Variants in FARS2 observed in about 807,000 individuals in gnomAD.
The protein encoded by FARS2 is phenylalanine--tRNA ligase, mitochondrial.
Under a neutral mutation model 46.4 loss-of-function variants are expected in FARS2, and 40 were observed. That is an observed-to-expected ratio of 0.86 (90% CI 0.67 to 1.12). FARS2 has a LOEUF of 1.12. FARS2 is among the 50% of genes most tolerant of loss of function. The probability of loss-of-function intolerance (pLI) is 0.00; values close to 1 mark genes in which losing one functional copy is unlikely to be tolerated. For missense variants in FARS2, 513 were observed against 567.9 expected (o/e 0.90, Z 0.98); for synonymous variants, 234 against 214.9 (o/e 1.09, Z -0.78).
intron 1 of FARS2, among the ~76,000 whole-genome samples, chr6:5,354,006 A>G (rs1317093870): frequency 4.3e-5 from 2 of 46,794 alleles, no homozygotes; most frequent in African/African-American, 1.0e-4. Flanking sequence ...GGTCTAAGTG[A>G]TAAAATCTTT....
chr6:5,460,795 A>C (rs1714583483), intron 4 of FARS2, among the ~76,000 whole-genome samples: 1 of 152,190 alleles, frequency 6.6e-6, no homozygotes, highest in African/African-American at 2.4e-5. Flanking sequence ...TTCACTTCTC[A>C]AGTCTTACTT....
intron 1 of FARS2, among the ~76,000 whole-genome samples, chr6:5,364,286 G>A (rs923978389): frequency 6.6e-6 from 1 of 152,100 alleles, no homozygotes; most frequent in Non-Finnish European, 1.5e-5. Flanking sequence ...GAACCTTGAG[G>A]CCAGAAGGGT....
chr6:5,448,954 T>C (rs1764327563), intron 4 of FARS2, among the ~76,000 whole-genome samples: 1 of 152,214 alleles, frequency 6.6e-6, no homozygotes, highest in African/African-American at 2.4e-5. Flanking sequence ...GTCTGAAGTG[T>C]CTATAAGACA....
intron 4 of FARS2, among the ~76,000 whole-genome samples, chr6:5,533,856 C>T (rs1325072031): frequency 6.6e-6 from 1 of 152,176 alleles, no homozygotes; most frequent in Non-Finnish European, 1.5e-5. Context: ...TGTCTCAAGG[C>T]TTTAAGGGGA....
Position 5,717,385 on chromosome 6 carries a change from G to GTGTGTGTCTA in FARS2, c.1218-53901_1218-53900insGTCTATGTGT, listed in dbSNP as rs776468933. On this transcript the variant is annotated intron_variant, in intron 6 of 6. Coordinates refer to ENST00000274680, the MANE Select transcript of FARS2 (RefSeq NM_006567.5). Reference sequence around the variant, plus strand: ...TGTGTGTGTGTGTGTGTGTGTGTGTGTGTGTCTATGTATATCTCTCTCACA... The same window carrying GTGTGTGTCTA: ...TGTGTGTGTGTGTGTGTGTGTGTGTGTGTGTGTCTATGTGTCTATGTATATCTCTCTCACA... Among the ~76,000 whole-genome samples the GTGTGTGTCTA allele has an allele frequency of 5.2e-3, 790 of 150,572 alleles. 2 individuals carry two copies. Among genetic ancestry groups the GTGTGTGTCTA allele is most frequent in the Non-Finnish European group, 8.1e-3 (551 of 67,846 alleles).
In FARS2 at chr6:5,563,088, A is replaced by C. The variant is rs112139781; in HGVS notation, c.1065+17748A>C. ...AGCTCCCCCGTACAGAGACAGAGGG[A>C]GGGGGGCTCCAAAGCCAAAAGAGGA... is the stretch of plus-strand genomic sequence containing the variant. On this transcript the variant is annotated intron_variant, in intron 5 of 6. Transcript: ENST00000274680. Among the ~76,000 whole-genome samples the C allele has an allele frequency of 1.5e-4, 13 of 84,850 alleles. No homozygotes were observed. The East Asian group carries it at 4.1e-3, about 27-fold the overall frequency. 55.7% of individuals were successfully genotyped at this position (84,850 alleles called of 152,430 possible).
At chr6:5,352,552 T>A (rs1251335887) in intron 1 of FARS2, among the ~76,000 whole-genome samples, 1 of 151,554 alleles carries the variant, frequency 6.6e-6, no homozygotes, top group African/African-American at 2.4e-5. Context: ...TGTCCTCAGT[T>A]ACCTCCAGTC....
At chr6:5,266,400 T>C (rs903165295) in intron 1 of FARS2, among the ~76,000 whole-genome samples, 1 of 152,084 alleles carries the variant, frequency 6.6e-6, no homozygotes, top group African/African-American at 2.4e-5. Context: ...GTGTGGTGGC[T>C]CACATCTGTA....
intron 4 of FARS2, among the ~76,000 whole-genome samples, chr6:5,520,537 T>A (rs1391543697): frequency 6.6e-6 from 1 of 152,230 alleles, no homozygotes; most frequent in African/African-American, 2.4e-5. Flanking sequence ...AATACCCTGT[T>A]CACATCACCA....
intron 6 of FARS2, among the ~76,000 whole-genome samples, chr6:5,691,320 T>C (rs1757699215): frequency 6.6e-6 from 1 of 152,220 alleles, no homozygotes; most frequent in Non-Finnish European, 1.5e-5. Context: ...CTTTGTGGTT[T>C]TATCTACCCT....
chr6:5,326,949 C>T (rs1770434828), intron 1 of FARS2, among the ~76,000 whole-genome samples: 1 of 152,208 alleles, frequency 6.6e-6, no homozygotes, highest in Non-Finnish European at 1.5e-5. Context: ...TTGTAGCCCA[C>T]CTCAGCATTA....
intron 4 of FARS2, among the ~76,000 whole-genome samples, chr6:5,493,054 T>C (rs1312763570): frequency 1.3e-5 from 2 of 151,968 alleles, no homozygotes; most frequent in Non-Finnish European, 2.9e-5. Context: ...TGTGTACTTA[T>C]TTAGGAATGA....
At chr6:5,587,635 A>G (rs1249526240) in intron 5 of FARS2, among the ~76,000 whole-genome samples, 1 of 152,218 alleles carries the variant, frequency 6.6e-6, no homozygotes, top group Non-Finnish European at 1.5e-5. Flanking sequence ...TAGTATTTTA[A>G]AGATTCTGAG....
chr6:5,306,060 A>C (rs1166362608), intron 1 of FARS2, among the ~76,000 whole-genome samples: 1 of 152,194 alleles, frequency 6.6e-6, no homozygotes, highest in Non-Finnish European at 1.5e-5. Context: ...TGTGATCCTA[A>C]TAAAACTGCC....
chr6:5,610,254 G>C, intron 5 of FARS2: 1 of 464,184 alleles, frequency 2.2e-6, no homozygotes. Flanking sequence ...TCCACGAGCA[G>C]AAAGTAGCAA....
chr6:5,317,847 G>C (rs754324732), intron 1 of FARS2, among the ~76,000 whole-genome samples: 6 of 151,942 alleles, frequency 3.9e-5, no homozygotes, highest in Non-Finnish European at 7.4e-5. Flanking sequence ...TAGTAGGCTT[G>C]TGGCTTGAGG....
intron 5 of FARS2, among the ~76,000 whole-genome samples, chr6:5,591,091 T>C (rs191585908): frequency 2.8e-4 from 42 of 152,348 alleles, no homozygotes; most frequent in Admixed American, 2.2e-3. Context: ...GACTTCTGTT[T>C]ATTGGACCTT....
At chr6:5,260,879 C>G (rs1250561131), upstream of FARS2, 3 of 1,428,460 alleles carry the variant, frequency 2.1e-6, no homozygotes, top group African/African-American at 4.4e-5. Context: ...TAAGCCTAAG[C>G]GGGCAGCCCT....
chr6:5,353,005 C>G (rs1757670338), intron 1 of FARS2, among the ~76,000 whole-genome samples: 1 of 152,154 alleles, frequency 6.6e-6, no homozygotes, highest in Admixed American at 6.5e-5. Flanking sequence ...CAGTAGCACA[C>G]CAGAACTTAT....
Sources: allele counts gnomAD v4.1 joint callset (sites outside exome capture counted in the v4.1 genomes callset), GRCh38; gene constraint gnomAD v4.1.1; transcripts MANE v1.5; gene names NCBI Gene and HGNC (gene_info 2026-07-23, HGNC 2026-07-21).